Variants in GPATCH2 observed in about 807,000 individuals in gnomAD.
GPATCH2 encodes the protein G-patch domain containing 2.
Under a neutral mutation model 58.0 loss-of-function variants are expected in GPATCH2, and 51 were observed. The observed-to-expected ratio is 0.88, with a 90% CI of 0.70 to 1.11. The LOEUF is 1.11. Ranked by LOEUF, GPATCH2 falls within the 50% of genes most tolerant of loss-of-function variation. GPATCH2 has a pLI of 0.00. For synonymous variants in GPATCH2, 222 were observed against 218.5 expected (o/e 1.02, Z -0.14); for missense variants, 625 against 652.2 (o/e 0.96, Z 0.45).
At position 217,535,259 on chromosome 1, in the gene GPATCH2, G is replaced by A. The variant is rs544753865; in HGVS notation, c.1099-20370C>T. Reference sequence around the variant, plus strand: ...AGAAAAAGTAAATTCCTCTGTATTAGACTGTTACCTCAATGTCAAGTATCT... The same window carrying A: ...AGAAAAAGTAAATTCCTCTGTATTAAACTGTTACCTCAATGTCAAGTATCT... On this transcript the variant is annotated intron_variant, in intron 5 of 9. Coordinates refer to ENST00000366935, the MANE Select transcript of GPATCH2 (RefSeq NM_018040.5). Among the ~76,000 whole-genome samples, 2 of 152,304 alleles carry A rather than the reference G, an allele frequency of 1.3e-5. 1 individual carries two copies. Among genetic ancestry groups the A allele is most frequent in the African/African-American group, 4.8e-5 (2 of 41,574 alleles).
intron 5 of GPATCH2, among the ~76,000 whole-genome samples, chr1:217,589,987 C>G (rs1374173759): frequency 1.3e-5 from 2 of 150,740 alleles, no homozygotes; most frequent in Non-Finnish European, 3.0e-5. Context: ...AAAGTTTTCA[C>G]TAGAAGACCA....
chr1:217,430,468 CA>C lies in GPATCH2; in HGVS notation c.*676del, dbSNP rs1658480990. 6.6e-6 allele frequency: 1 copy of C among 152,090 alleles called. No individual in the cohort carries two copies. The highest frequency in any genetic ancestry group is 2.4e-5 in the African/African-American group (1 of 41,410). The allele number at this position is 152,090 out of a possible 1,614,324, so 9.4% of individuals were successfully genotyped here. On this transcript the variant is annotated 3_prime_UTR_variant, in exon 10 of 10. Transcript: ENST00000366935. ...AATGAGGTAAAATTTATAAAATCTG[CA>C]TTAAAGTAAGGTAGAGGGCACTCTG... is the stretch of plus-strand genomic sequence containing the variant.
intron 5 of GPATCH2, among the ~76,000 whole-genome samples, chr1:217,546,992 A>G (rs1292396934): frequency 5.9e-5 from 9 of 152,306 alleles, no homozygotes; most frequent in Non-Finnish European, 1.2e-4. Context: ...ATGAAAAAAA[A>G]AGCTCAACAT....
chr1:217,532,886 GTTTTTTTTTTTTTGTT>G (rs1422269191), intron 5 of GPATCH2, among the ~76,000 whole-genome samples: 251 of 130,256 alleles, frequency 1.9e-3, no homozygotes, highest in African/African-American at 5.7e-3. Context: ...TCTTTTTTTT[GTTTTTTTTTTTTTGTT>G]TTTTTTTTTT....
rs1256667133 is a variant in GPATCH2 at position 217,624,481 on chromosome 1, T to TA, written c.57-3983dup. ...GTAGTGAGCCAAGATCATGCCACTGTACTCCAGCCCGGGAGGCAGAGAGAC... is the reference window on the plus strand; with the variant it reads ...GTAGTGAGCCAAGATCATGCCACTGTAACTCCAGCCCGGGAGGCAGAGAGAC... On this transcript the variant is annotated intron_variant, in intron 1 of 9. Transcript: ENST00000366935. Among the ~76,000 whole-genome samples the TA allele has an allele frequency of 4.6e-5, 7 of 152,282 alleles. No homozygotes were observed. In the East Asian group the frequency reaches 1.4e-3, roughly 29 times the overall value.
chr1:217,575,230 C>T (rs1246096693), intron 5 of GPATCH2, among the ~76,000 whole-genome samples: 1 of 152,092 alleles, frequency 6.6e-6, no homozygotes, highest in Non-Finnish European at 1.5e-5. Flanking sequence ...CTGTTCTTTC[C>T]ATTACAAAGT....
At chr1:217,504,045 C>T (rs1662432273) in intron 6 of GPATCH2, among the ~76,000 whole-genome samples, 1 of 152,120 alleles carries the variant, frequency 6.6e-6, no homozygotes, top group Non-Finnish European at 1.5e-5. Context: ...CACGTCCCTT[C>T]CAACCATTAC....
rs534738199 is a variant in GPATCH2 at position 217,602,075 on chromosome 1, A to G, written c.1098+8246T>C. On this transcript the variant is annotated intron_variant, in intron 5 of 9. Transcript: ENST00000366935. ...AATAGGCATGGATCTTAGCCTCCTG[A>G]TATAGTCTTAACTTGTAGTTACCTA... Among the ~76,000 whole-genome samples the G allele has an allele frequency of 2.0e-5, 3 of 152,276 alleles. No individual in the cohort carries two copies. In the South Asian group the frequency reaches 6.2e-4, roughly 32 times the overall value.
intron 5 of GPATCH2, among the ~76,000 whole-genome samples, chr1:217,561,410 A>G (rs1462685662): frequency 6.6e-6 from 1 of 152,182 alleles, no homozygotes; most frequent in Non-Finnish European, 1.5e-5. Context: ...AGAATAAAAA[A>G]CTGAAAAATA....
intron 5 of GPATCH2, among the ~76,000 whole-genome samples, chr1:217,580,152 C>A (rs894408595): frequency 1.3e-5 from 2 of 152,158 alleles, no homozygotes; most frequent in African/African-American, 4.8e-5. Context: ...AGCACAAGAA[C>A]TTACTATAGT....
intron 7 of GPATCH2, among the ~76,000 whole-genome samples, chr1:217,496,481 G>A (rs1438553200): frequency 6.6e-6 from 1 of 152,058 alleles, no homozygotes; most frequent in Non-Finnish European, 1.5e-5. Context: ...TTGCATAATT[G>A]TGCTTCTGTT....
intron 6 of GPATCH2, among the ~76,000 whole-genome samples, chr1:217,501,617 G>A (rs1430317333): frequency 2.6e-5 from 4 of 152,030 alleles, no homozygotes; most frequent in African/African-American, 7.2e-5. Context: ...CTGTCACTAT[G>A]TTTTACTTCA....
intron 5 of GPATCH2, among the ~76,000 whole-genome samples, chr1:217,524,306 G>T (rs1663692244): frequency 6.6e-6 from 1 of 151,434 alleles, no homozygotes; most frequent in African/African-American, 2.4e-5. Context: ...ATGGGATGGC[G>T]GCTGGGAAGA....
chr1:217,522,633 A>C (rs1408532485), intron 5 of GPATCH2, among the ~76,000 whole-genome samples: 1 of 152,184 alleles, frequency 6.6e-6, no homozygotes, highest in African/African-American at 2.4e-5. Flanking sequence ...TAATAAACAA[A>C]ATGTATATAA....
intron 5 of GPATCH2, among the ~76,000 whole-genome samples, chr1:217,594,748 A>T (rs1172905892): frequency 3.9e-5 from 6 of 152,198 alleles, no homozygotes; most frequent in African/African-American, 1.4e-4. Flanking sequence ...GAAATCAAGG[A>T]TTACTTATTA....
At chr1:217,575,082 T>TAATAA (rs1175379860) in intron 5 of GPATCH2, among the ~76,000 whole-genome samples, 2 of 152,014 alleles carry the variant, frequency 1.3e-5, no homozygotes, top group South Asian at 2.1e-4. Flanking sequence ...GGTCAAAAAA[T>TAATAA]AATAAAATAA....
At chr1:217,497,273 A>G (rs1466481256) in intron 7 of GPATCH2, among the ~76,000 whole-genome samples, 3 of 152,182 alleles carry the variant, frequency 2.0e-5, no homozygotes, top group Non-Finnish European at 4.4e-5. Context: ...TGTATTGTAA[A>G]TAATAAGAGG....
intron 8 of GPATCH2, among the ~76,000 whole-genome samples, chr1:217,479,406 G>A (rs1443802461): frequency 6.6e-6 from 1 of 152,092 alleles, no homozygotes; most frequent in Non-Finnish European, 1.5e-5. Context: ...TTTTTAATTA[G>A]TTTTCTTTTT....
At chr1:217,584,344 A>AAAAAAAAAAATATATAT (rs1463910405) in intron 5 of GPATCH2, among the ~76,000 whole-genome samples, 2 of 101,860 alleles carry the variant, frequency 2.0e-5, no homozygotes, top group African/African-American at 3.4e-5. Flanking sequence ...AAAAAAAAAA[A>AAAAAAAAAAATATATAT]ATATATATAT....
Sources: allele counts gnomAD v4.1 joint callset (sites outside exome capture counted in the v4.1 genomes callset), GRCh38; gene constraint gnomAD v4.1.1; transcripts MANE v1.5; gene names NCBI Gene and HGNC (gene_info 2026-07-23, HGNC 2026-07-21).